Variants in SESTD1 observed in about 807,000 individuals in gnomAD.
SESTD1 encodes the protein SEC14 domain and spectrin repeat-containing protein 1.
A neutral mutation model predicts 101.7 loss-of-function variants in SESTD1; 43 were observed. The observed-to-expected ratio is 0.42, with a 90% CI of 0.33 to 0.55. SESTD1 has a LOEUF of 0.55. SESTD1 is among the 20% of genes least tolerant of loss of function. The pLI, the probability that SESTD1 is intolerant of heterozygous loss-of-function variation, is 0.07. For missense variants in SESTD1, 647 were observed against 815.1 expected, an observed-to-expected ratio of 0.79 and a Z score of 2.51; for synonymous variants, 283 against 286.8, an observed-to-expected ratio of 0.99 and a Z score of 0.13.
intron 1 of SESTD1, among the ~76,000 whole-genome samples, chr2:179,197,382 T>C (rs924827339): frequency 1.3e-5 from 2 of 152,102 alleles, no homozygotes; most frequent in African/African-American, 4.8e-5. Context: ...TGGAAAACAC[T>C]CTGCAGGATA....
chr2:179,117,689 A>T, intron 13 of SESTD1, 76 bp from the exon 14 acceptor site: 1 of 1,190,770 alleles, frequency 8.4e-7, no homozygotes, highest in South Asian at 1.7e-5. Flanking sequence ...CATTTGGTAC[A>T]TGTATTTTAT....
Position 179,151,229 on chromosome 2 carries a change from A to G in SESTD1, c.483+49T>C, listed in dbSNP as rs764194878. The stretch of plus-strand genomic sequence containing the variant: ...ACTAAAATGATAAAGTTATCAAAAT[A>G]TATCTTATTTCTATGCAATAACATT... On this transcript the variant is annotated intron_variant, in intron 6 of 17. Transcript: ENST00000428443. 10 of 1,246,528 alleles carry G rather than the reference A, an allele frequency of 8.0e-6. No homozygotes were observed. In the South Asian group the frequency reaches 1.1e-4, roughly 13 times the overall value. 77.2% of individuals were successfully genotyped at this position (1,246,528 alleles called of 1,614,324 possible).
intron 13 of SESTD1, among the ~76,000 whole-genome samples, chr2:179,118,306 TA>T (rs1446614327): frequency 2.6e-5 from 4 of 152,162 alleles, no homozygotes; most frequent in Non-Finnish European, 4.4e-5. Flanking sequence ...CAATTCAAAT[TA>T]TTTTTTTAAT....
intron 7 of SESTD1, among the ~76,000 whole-genome samples, chr2:179,148,567 A>G (rs1183051943): frequency 6.6e-6 from 1 of 152,252 alleles, no homozygotes; most frequent in African/African-American, 2.4e-5. Flanking sequence ...TTACAAGAGC[A>G]GAAAAAGTTC....
chr2:179,221,743 C>A (rs184529564), intron 1 of SESTD1, among the ~76,000 whole-genome samples: 1 of 151,494 alleles, frequency 6.6e-6, no homozygotes, highest in Admixed American at 6.6e-5. Context: ...CACAGTGTGA[C>A]CCCATCTCCA....
At chr2:179,198,492 C>T (rs1444589393) in intron 1 of SESTD1, among the ~76,000 whole-genome samples, 4 of 152,254 alleles carry the variant, frequency 2.6e-5, no homozygotes, top group African/African-American at 9.6e-5. Context: ...CCCAAATCAA[C>T]AGAATATACA....
In SESTD1 at chr2:179,116,709, C is replaced by A. The variant is rs1196748258; in HGVS notation, c.1606G>T (p.Val536Phe). ...RLGDDAQETK[V>F]LLEKHRKFVD... ...AATTTTCTATGCTTTTCCAGCAAAA[C>A]TTTCGTTTCTTGAGCATCATCGCCC... Residue 536 changes from valine to phenylalanine, a missense_variant, in exon 15 of 18, where the codon GTT becomes TTT. Physicochemically the swap from Val to Phe is conservative, Grantham distance 50 (BLOSUM62 -1). Coordinates refer to ENST00000428443, the MANE Select transcript of SESTD1 (RefSeq NM_178123.5). 8 of 1,614,032 alleles carry A rather than the reference C, an allele frequency of 5.0e-6. No individual in the cohort carries two copies. The highest frequency in any genetic ancestry group is 6.8e-6 in the Non-Finnish European group (8 of 1,180,014).
chr2:179,172,333 A>G lies in SESTD1; in HGVS notation c.256-100T>C. The G allele has an allele frequency of 4.7e-6, 3 of 644,970 alleles. No homozygotes were observed. In the South Asian group the frequency reaches 1.1e-4, roughly 24 times the overall value. 40.0% of individuals were successfully genotyped at this position (644,970 alleles called of 1,614,324 possible). A position where few individuals can be genotyped will look rare whatever the true frequency, so the allele number is the denominator to read the frequency against. On this transcript the variant is annotated intron_variant, in intron 4 of 17. Transcript: ENST00000428443. ...CAGTCAAGATTATGCTACATAAGAG[A>G]TTTTTGGAGAAGAATTAAAATAATA...
chr2:179,177,926 T>C (rs2046039118), intron 3 of SESTD1, among the ~76,000 whole-genome samples: 1 of 152,174 alleles, frequency 6.6e-6, no homozygotes, highest in Non-Finnish European at 1.5e-5. Context: ...AACATTATGC[T>C]AAGTAAAACA....
At chr2:179,200,293 T>C (rs963812010) in intron 1 of SESTD1, among the ~76,000 whole-genome samples, 2 of 152,126 alleles carry the variant, frequency 1.3e-5, no homozygotes, top group African/African-American at 2.4e-5. Context: ...AATGGTAGAA[T>C]ATTCCATGCT....
At chr2:179,149,231 G>T in intron 7 of SESTD1, 66 bp downstream of exon 7, 1 of 1,125,160 alleles carries the variant, frequency 8.9e-7, no homozygotes, top group Non-Finnish European at 1.3e-6. Flanking sequence ...ATTAACAATA[G>T]AGATATCTTT....
chr2:179,175,545 C>T (rs1245576918), intron 4 of SESTD1, among the ~76,000 whole-genome samples: 8 of 152,086 alleles, frequency 5.3e-5, no homozygotes, highest in Non-Finnish European at 5.9e-5. Context: ...ATCAACTACT[C>T]TCATTGTATT....
At chr2:179,185,744 A>G (rs1259501574) in intron 2 of SESTD1, among the ~76,000 whole-genome samples, 16 of 128,466 alleles carry the variant, frequency 1.2e-4, no homozygotes, top group African/African-American at 4.6e-4. Flanking sequence ...AATATAATAT[A>G]GTATATTATA....
At chr2:179,225,624 A>T (rs1270987242) in intron 1 of SESTD1, among the ~76,000 whole-genome samples, 4 of 152,216 alleles carry the variant, frequency 2.6e-5, no homozygotes, top group African/African-American at 7.2e-5. Flanking sequence ...AGGCACCACC[A>T]GGTTCAGTGC....
intron 1 of SESTD1, among the ~76,000 whole-genome samples, chr2:179,193,515 T>C (rs1344365426): frequency 1.3e-5 from 2 of 152,340 alleles, no homozygotes; most frequent in East Asian, 3.9e-4. Flanking sequence ...TCTCCTGTCC[T>C]GTGACCAGCT....
At position 179,106,514 on chromosome 2, in the gene SESTD1, C is replaced by T. The variant is rs2044385640; in HGVS notation, c.*3385G>A. 1 of 152,136 alleles carries T rather than the reference C, an allele frequency of 6.6e-6. No individual in the cohort carries two copies. Among genetic ancestry groups the T allele is most frequent in the Non-Finnish European group, 1.5e-5 (1 of 68,010 alleles). 9.4% of individuals were successfully genotyped at this position (152,136 alleles called of 1,614,324 possible). The stretch of plus-strand genomic sequence containing the variant: ...GGTTTAGATCAGAGTATGGTTTACT[C>T]ATCACTGTTAGTAAGGTAACTTAAT... On this transcript the variant is annotated 3_prime_UTR_variant, in exon 18 of 18. Coordinates refer to ENST00000428443, the MANE Select transcript of SESTD1 (RefSeq NM_178123.5).
intron 3 of SESTD1, among the ~76,000 whole-genome samples, chr2:179,180,321 T>C (rs1040300825): frequency 2.6e-5 from 4 of 152,146 alleles, no homozygotes; most frequent in Non-Finnish European, 4.4e-5. Context: ...AACGTTAAGA[T>C]AGTCATTGCA....
chr2:179,188,235 C>T (rs2046264106), intron 2 of SESTD1, among the ~76,000 whole-genome samples: 1 of 152,170 alleles, frequency 6.6e-6, no homozygotes, highest in Non-Finnish European at 1.5e-5. Flanking sequence ...ACCATACTCT[C>T]AGATCACAGT....
In SESTD1 at chr2:179,109,937, G is replaced by A; in HGVS notation, c.2053C>T (p.Gln685Ter). The A allele has an allele frequency of 6.2e-7, 1 of 1,613,942 alleles. No homozygotes were observed. Among genetic ancestry groups the A allele is most frequent in the Non-Finnish European group, 8.5e-7 (1 of 1,179,902 alleles). The part of the protein sequence containing the change: ...RMKLVNLKRQ[Q>*]LRHPEMVTTE... Reference sequence around the variant, plus strand: ...GTCACCATTTCAGGATGTCTCAGCTGCTGCCTTTTGAGATTAACTAGTTTC... The same window carrying A: ...GTCACCATTTCAGGATGTCTCAGCTACTGCCTTTTGAGATTAACTAGTTTC... Residue 685 changes from glutamine to a stop codon, truncating the protein, a stop_gained, in exon 18 of 18, where the codon CAG becomes TAG. Transcript: ENST00000428443. LOFTEE classifies it high-confidence loss of function.
Sources: gnomAD v4.1 joint callset for allele counts (sites outside exome capture counted in the v4.1 genomes callset) on GRCh38, gnomAD v4.1.1 for gene constraint, MANE v1.5 for transcripts, NCBI Gene and HGNC (gene_info 2026-07-23, HGNC 2026-07-21) for gene names.